The following RGS14 variants were observed in gnomAD, a reference collection of about 807,000 sequenced individuals.
The protein encoded by RGS14 is regulator of G protein signaling 14.
RGS14 carries 33 observed loss-of-function variants against 63.8 expected under a neutral mutation model. The ratio of observed to expected loss-of-function variants is 0.52; its 90% CI spans 0.39 to 0.69. The LOEUF is 0.69. Among genes scored for constraint, RGS14 ranks in the 30% least tolerant of loss-of-function variants. The pLI is 0.00. For synonymous variants in RGS14, 296 were observed against 320.9 expected (o/e 0.92, Z 0.83); for missense variants, 739 against 742.9 (o/e 0.99, Z 0.06).
In RGS14 at chr5:177,364,063, T is replaced by C. The variant is rs1036882379; in HGVS notation, c.46-1900T>C. Among the ~76,000 whole-genome samples, 7 of 152,070 alleles carry C rather than the reference T, an allele frequency of 4.6e-5. No individual in the cohort carries two copies. Among genetic ancestry groups the C allele is most frequent in the Admixed American group, 2.6e-4 (4 of 15,274 alleles). ...ATAAAACCTGAGAGGGCCAAGGTAA[T>C]AGTAATTTCCCACATATCTGCAGAC... On this transcript the variant is annotated intron_variant, in intron 1 of 14. Coordinates refer to ENST00000408923, the MANE Select transcript of RGS14 (RefSeq NM_006480.5). The surrounding 1 kb of genome is among the most constrained non-coding windows in gnomAD (Gnocchi z 4.6).
In RGS14 at chr5:177,370,682, A is replaced by G; in HGVS notation, c.1127+18A>G. On this transcript the variant is annotated intron_variant, in intron 10 of 14. Transcript: ENST00000408923. ...ACCTTCGAGTGAGTGTCCTGCCCCC[A>G]AGTCTGGGTCCCAGGTCCTGACGCT... is the stretch of plus-strand genomic sequence containing the variant. The G allele has an allele frequency of 1.2e-6, 2 of 1,612,926 alleles. No homozygotes were observed. Among genetic ancestry groups the G allele is most frequent in the Non-Finnish European group, 1.7e-6 (2 of 1,179,202 alleles).
chr5:177,371,010 G>A lies in RGS14; in HGVS notation c.1233G>A (p.Pro411=), dbSNP rs764344718. The part of the protein sequence containing the change: ...QPILEKHGLS[P]LEVVLHRPGE... ...TTCTGGAGAAGCACGGCTTGAGCCC[G>A]CTAGAGGTGGTGCTGCACCGGGTGA... Residue 411 remains proline (P), a synonymous_variant, in exon 11 of 15, where the codon CCG becomes CCA. Coordinates refer to ENST00000408923, the MANE Select transcript of RGS14 (RefSeq NM_006480.5). The surrounding 1 kb of genome is among the most constrained non-coding windows in gnomAD (Gnocchi z 6.1). 6 of 1,595,372 alleles carry A rather than the reference G, an allele frequency of 3.8e-6. No individual in the cohort carries two copies. The highest frequency in any genetic ancestry group is 2.2e-5 in the South Asian group (2 of 90,448).
chr5:177,370,743 G>GGCCCCGCCCCTCGTGCTA, intron 10 of RGS14, 79 bp downstream of exon 10: 1 of 1,555,588 alleles, frequency 6.4e-7, no homozygotes, highest in South Asian at 1.1e-5. Context: ...TGGCTCCCCA[G>GGCCCCGCCCCTCGTGCTA]GCCCCGCCCC....
rs1052048465 is a variant in RGS14, at chr5:177,368,662, T to A, written c.850-55T>A. ...AAGCTTACCTATCTCTGTGTACCTG[T>A]GTGCATGCCCTTGCATGTGTACACA... is the stretch of plus-strand genomic sequence containing the variant. On this transcript the variant is annotated intron_variant, in intron 8 of 14. Transcript: ENST00000408923. 2.6e-5 allele frequency: 41 copies of A among 1,568,432 alleles called. No homozygotes were observed. In the East Asian group the frequency reaches 3.4e-4, roughly 13 times the overall value.
rs1762272986 is a variant in RGS14, at chr5:177,371,596, G to T, written c.1498+7G>T. 1 of 1,611,400 alleles carries T rather than the reference G, an allele frequency of 6.2e-7. No individual in the cohort carries two copies. The highest frequency in any genetic ancestry group is 1.3e-5 in the African/African-American group (1 of 74,978). ...CAGACCTGTGACATCGAAGGTACAT[G>T]GTGGATGAGCTGGGGATCAGAAAGA... On this transcript the variant is annotated splice_region_variant and intron_variant, in intron 14 of 14. Transcript: ENST00000408923. This position sits in a 1 kb window ranked among gnomAD's most constrained non-coding sequence, Gnocchi z 6.1.
intron 1 of RGS14, among the ~76,000 whole-genome samples, chr5:177,363,593 C>G (rs1209471554): frequency 3.9e-5 from 6 of 152,148 alleles, no homozygotes; most frequent in Admixed American, 3.3e-4. Flanking sequence ...AACACTGACA[C>G]AAGAACGACA....
At chr5:177,368,130 TC>T (rs754227006) in intron 7 of RGS14, 26 bp from the exon 8 acceptor site, 1 of 1,606,912 alleles carries the variant, frequency 6.2e-7, no homozygotes, top group East Asian at 2.2e-5. Context: ...GGGGGGCTGT[TC>T]GCGTTCATCG....
At chr5:177,367,151 C>CA (rs370142800) in intron 5 of RGS14, 117 bp downstream of exon 5, 1 of 1,371,420 alleles carries the variant, frequency 7.3e-7, no homozygotes, top group African/African-American at 1.4e-5. Flanking sequence ...GAGGCGGAGA[C>CA]AGAGCCAAAT....
rs1340290562 is a variant in RGS14, at chr5:177,364,133, A to G, written c.46-1830A>G. ...GCCGCCCTGTGACCTGAATACTCTC[A>G]GGGTGGGAGTAGGAAACAGAGAGGA... is the stretch of plus-strand genomic sequence containing the variant. On this transcript the variant is annotated intron_variant, in intron 1 of 14. Transcript: ENST00000408923. The surrounding 1 kb of genome is among the most constrained non-coding windows in gnomAD (Gnocchi z 4.6). 6.7e-6 allele frequency among the ~76,000 whole-genome samples: 1 copy of G among 149,808 alleles called. No homozygotes were observed. Among genetic ancestry groups the G allele is most frequent in the Non-Finnish European group, 1.5e-5 (1 of 67,622 alleles).
intron 1 of RGS14, among the ~76,000 whole-genome samples, chr5:177,361,181 G>A (rs567230036): frequency 1.4e-4 from 21 of 152,288 alleles, no homozygotes; most frequent in African/African-American, 4.6e-4. Flanking sequence ...GTTCAGGGTG[G>A]CCTTATACAG....
Position 177,366,285 on chromosome 5 carries a change from A to C in RGS14, c.176A>C (p.Gln59Pro). 1 of 1,565,752 alleles carries C rather than the reference A, an allele frequency of 6.4e-7. No individual in the cohort carries two copies. Among genetic ancestry groups the C allele is most frequent in the East Asian group, 2.4e-5 (1 of 42,098 alleles). ...GPSSPFPTEE[Q>P]PVASWALSFE... ...AGCAGCCCCTTCCCAACCGAGGAGC[A>C]GCCTGTGGCCAGCTGGGCCCTGTCC... Residue 59 changes from glutamine (Q) to proline (P), a missense_variant, in exon 3 of 15, where the codon CAG (glutamine) becomes CCG (proline). Gln to Pro is a moderately conservative substitution (Grantham distance 76). Coordinates refer to ENST00000408923, the MANE Select transcript of RGS14 (RefSeq NM_006480.5).
rs1284810604 is a variant in RGS14 at position 177,366,691 on chromosome 5, C to T, written c.247-17C>T. ...GTCTCTGAGTCTCTGCCTGCCTCCCCCTCCTTCCCCTCCCAGGAGTTCCTG... is the reference window on the plus strand; with the variant it reads ...GTCTCTGAGTCTCTGCCTGCCTCCCTCTCCTTCCCCTCCCAGGAGTTCCTG... On this transcript the variant is annotated splice_polypyrimidine_tract_variant and intron_variant, in intron 3 of 14. Transcript: ENST00000408923. 1 of 1,612,902 alleles carries T rather than the reference C, an allele frequency of 6.2e-7. No homozygotes were observed. Among genetic ancestry groups the T allele is most frequent in the East Asian group, 2.2e-5 (1 of 44,870 alleles).
At chr5:177,366,382 G>T (rs1261533986) in intron 3 of RGS14, 27 bp downstream of exon 3, 3 of 1,517,940 alleles carry the variant, frequency 2.0e-6, no homozygotes, top group African/African-American at 1.4e-5. Flanking sequence ...GAAAGGGAAG[G>T]GGGGACACGG....
Position 177,371,046 on chromosome 5 carries a change from C to CGCGGG in RGS14, c.1254+33_1254+37dup, listed in dbSNP as rs748050483. 1.2e-3 allele frequency: 1,639 copies of CGCGGG among 1,357,504 alleles called. 44 individuals carry two copies. The highest frequency in any genetic ancestry group is 7.0e-3 in the African/African-American group (291 of 41,746). 84.1% of individuals were successfully genotyped at this position (1,357,504 alleles called of 1,614,324 possible). On this transcript the variant is annotated intron_variant, in intron 11 of 14. Transcript: ENST00000408923. This position sits in a 1 kb window ranked among gnomAD's most constrained non-coding sequence, Gnocchi z 6.1. ...TGCTGCACCGGGTGAGCTTCCGGGC[C>CGCGGG]GCGGGGCGGGGCGGGGCGGGGCCGG...
rs1268607897 is a variant in RGS14, at chr5:177,358,603, T to G, written c.45+534T>G. On this transcript the variant is annotated intron_variant, in intron 1 of 14. Transcript: ENST00000408923. This position sits in a 1 kb window ranked among gnomAD's most constrained non-coding sequence, Gnocchi z 4.8. ...GGGCAGCAGGGTCAGACTAGGTTGA[T>G]GCAGCTTCTGCCTGTTCTATTCCTG... Among the ~76,000 whole-genome samples the G allele has an allele frequency of 6.6e-6, 1 of 152,230 alleles. No homozygotes were observed. The highest frequency in any genetic ancestry group is 1.5e-5 in the Non-Finnish European group (1 of 68,028).
rs1156837997 is a variant in RGS14 at position 177,368,761 on chromosome 5, C to T, written c.894C>T (p.Ser298=). 6.2e-7 allele frequency: 1 copy of T among 1,614,256 alleles called. No individual in the cohort carries two copies. The highest frequency in any genetic ancestry group is 8.5e-7 in the Non-Finnish European group (1 of 1,180,050). Reference sequence around the variant, plus strand: ...GGAGCACGGAGGGTGAAAGTGAAAGCCGGCCAGGGAAGTACTGCTGTGTGT... The same window carrying T: ...GGAGCACGGAGGGTGAAAGTGAAAGTCGGCCAGGGAAGTACTGCTGTGTGT... ...SLGSTEGESE[S]RPGKYCCVYL... The change falls in exon 9 of 15, where the codon AGC becomes AGT. Residue 298 remains serine (S), a synonymous_variant. Transcript: ENST00000408923.
chr5:177,360,086 T>C (rs545774314), intron 1 of RGS14, among the ~76,000 whole-genome samples: 6 of 152,260 alleles, frequency 3.9e-5, no homozygotes, highest in Non-Finnish European at 7.4e-5. Context: ...CTTGGAGACA[T>C]CTCCCAGCCC....
rs1762278081 is a variant in RGS14 at position 177,371,814 on chromosome 5, G to A, written c.1499-59G>A. On this transcript the variant is annotated intron_variant, in intron 14 of 14. Transcript: ENST00000408923. The surrounding 1 kb of genome is among the most constrained non-coding windows in gnomAD (Gnocchi z 6.1). ...GCCACAGTAAGGCAGTGGGACTATC[G>A]TGGGCTGGCATATAGGCAGGTCTGC... is the stretch of plus-strand genomic sequence containing the variant. The A allele has an allele frequency of 6.5e-7, 1 of 1,531,382 alleles. No individual in the cohort carries two copies. The highest frequency in any genetic ancestry group is 1.2e-5 in the South Asian group (1 of 85,028). The allele number at this position is 1,531,382 out of a possible 1,614,324, so 94.9% of individuals were successfully genotyped here.
At chr5:177,363,660 T>C (rs1038079083) in intron 1 of RGS14, among the ~76,000 whole-genome samples, 5 of 151,768 alleles carry the variant, frequency 3.3e-5, no homozygotes, top group Admixed American at 1.3e-4. Flanking sequence ...CTGAGTTCTT[T>C]ATATATATTT....
Sources: gnomAD v4.1 joint callset for allele counts (sites outside exome capture counted in the v4.1 genomes callset) on GRCh38, gnomAD v4.1.1 for gene constraint, Gnocchi (gnomAD v3.1) non-coding constraint, MANE v1.5 for transcripts, NCBI Gene and HGNC (gene_info 2026-07-23, HGNC 2026-07-21) for gene names.